Variants in AUTS2 observed in about 807,000 individuals in gnomAD.
AUTS2 encodes autism susceptibility gene 2 protein.
Under a neutral mutation model 112.4 loss-of-function variants are expected in AUTS2, and 17 were observed. The ratio of observed to expected loss-of-function variants is 0.15; its 90% CI spans 0.10 to 0.23. AUTS2 has a LOEUF of 0.23. Among genes scored for constraint, AUTS2 ranks in the 10% least tolerant of loss-of-function variants. AUTS2 has a pLI of 1.00. For synonymous variants in AUTS2, 751 were observed against 702.7 expected, an observed-to-expected ratio of 1.07 and a Z score of -1.09; for missense variants, 1,510 against 1,701.6, an observed-to-expected ratio of 0.89 and a Z score of 1.98.
At chr7:69,608,328 C>A (rs1310029308) in intron 1 of AUTS2, among the ~76,000 whole-genome samples, 1 of 152,210 alleles carries the variant, frequency 6.6e-6, no homozygotes, top group Non-Finnish European at 1.5e-5. Context: ...CCTGAGGGAT[C>A]TCATTTTCCT....
chr7:70,642,620 C>T (rs1805900067), intron 5 of AUTS2, among the ~76,000 whole-genome samples: 2 of 152,178 alleles, frequency 1.3e-5, no homozygotes, highest in African/African-American at 4.8e-5. Flanking sequence ...TGACCTACTT[C>T]CCTGTGTCCA....
intron 1 of AUTS2, among the ~76,000 whole-genome samples, chr7:69,670,964 C>T (rs1796294619): frequency 6.6e-6 from 1 of 152,070 alleles, no homozygotes; most frequent in Non-Finnish European, 1.5e-5. Context: ...ACCTGTTGGC[C>T]CAGAAACATC....
intron 1 of AUTS2, among the ~76,000 whole-genome samples, chr7:69,863,227 A>G (rs750379523): frequency 1.3e-5 from 2 of 152,270 alleles, no homozygotes; most frequent in Non-Finnish European, 2.9e-5. Context: ...TGTACTGAAC[A>G]TGTACAGACT....
intron 1 of AUTS2, among the ~76,000 whole-genome samples, chr7:69,833,488 T>C (rs1325289111): frequency 6.6e-6 from 1 of 152,180 alleles, no homozygotes; most frequent in African/African-American, 2.4e-5. Flanking sequence ...CAGGCTGGAA[T>C]GCACTGGTGT....
chr7:69,914,619 CCAGGAAAAG>C (rs1795500539), intron 2 of AUTS2, among the ~76,000 whole-genome samples: 1 of 151,586 alleles, frequency 6.6e-6, no homozygotes, highest in African/African-American at 2.4e-5. Flanking sequence ...GCTAGTGCAG[CCAGGAAAAG>C]CTGACCTAGG....
At chr7:70,506,619 A>G (rs554273971) in intron 5 of AUTS2, among the ~76,000 whole-genome samples, 1 of 152,300 alleles carries the variant, frequency 6.6e-6, no homozygotes, top group South Asian at 2.1e-4. Context: ...CAAAACAGAC[A>G]CGTGCTCCGC....
intron 2 of AUTS2, among the ~76,000 whole-genome samples, chr7:69,919,634 T>C (rs1795729232): frequency 1.3e-5 from 2 of 152,192 alleles, no homozygotes; most frequent in Non-Finnish European, 2.9e-5. Context: ...TGGCACTTTG[T>C]CCTTAACCAA....
At chr7:70,423,643 TTCA>T (rs1795313135) in intron 4 of AUTS2, among the ~76,000 whole-genome samples, 1 of 152,220 alleles carries the variant, frequency 6.6e-6, no homozygotes, top group Non-Finnish European at 1.5e-5. Flanking sequence ...AAAAAAAATG[TTCA>T]TCAAGAACCT....
intron 4 of AUTS2, among the ~76,000 whole-genome samples, chr7:70,228,591 G>C (rs1811891186): frequency 6.6e-6 from 1 of 151,600 alleles, no homozygotes; most frequent in South Asian, 2.1e-4. Flanking sequence ...TTCTGAATGG[G>C]TTAGGGTTTA....
At chr7:69,795,408 A>G (rs534760778) in intron 1 of AUTS2, among the ~76,000 whole-genome samples, 14 of 152,286 alleles carry the variant, frequency 9.2e-5, no homozygotes, top group African/African-American at 2.9e-4. Flanking sequence ...AGCCAGGCGG[A>G]GTGGCTCATA....
At chr7:70,595,882 A>T (rs972557615) in intron 5 of AUTS2, among the ~76,000 whole-genome samples, 1 of 152,138 alleles carries the variant, frequency 6.6e-6, no homozygotes, top group Admixed American at 6.5e-5. Flanking sequence ...CACGGTACTG[A>T]GCCGCGGGCT....
chr7:70,065,705 T>A (rs942836831), intron 2 of AUTS2, among the ~76,000 whole-genome samples: 36 of 151,754 alleles, frequency 2.4e-4, no homozygotes, highest in Non-Finnish European at 3.5e-4. Flanking sequence ...CTCAAAAAAA[T>A]ATATATATAT....
chr7:70,489,871 C>G (rs114009600), intron 5 of AUTS2, among the ~76,000 whole-genome samples: 13 of 152,168 alleles, frequency 8.5e-5, no homozygotes, highest in African/African-American at 3.1e-4. Context: ...CCCAGCAAAA[C>G]CCCAAATATT....
intron 2 of AUTS2, among the ~76,000 whole-genome samples, chr7:70,014,828 A>G (rs753059087): frequency 6.6e-6 from 1 of 152,220 alleles, no homozygotes; most frequent in Non-Finnish European, 1.5e-5. Flanking sequence ...CATCTGGTAC[A>G]CTGGAACTGC....
At chr7:69,936,628 C>T (rs987221938) in intron 2 of AUTS2, among the ~76,000 whole-genome samples, 4 of 152,172 alleles carry the variant, frequency 2.6e-5, no homozygotes, top group East Asian at 1.9e-4. Context: ...GGATTACAGG[C>T]GTGAGCCACT....
intron 4 of AUTS2, among the ~76,000 whole-genome samples, chr7:70,194,400 C>T (rs1160217502): frequency 6.6e-6 from 1 of 151,898 alleles, no homozygotes; most frequent in Non-Finnish European, 1.5e-5. Flanking sequence ...AGAGCGAGAC[C>T]CTGTCTCAAA....
At chr7:70,244,914 G>A (rs982349913) in intron 4 of AUTS2, among the ~76,000 whole-genome samples, 2 of 151,966 alleles carry the variant, frequency 1.3e-5, no homozygotes, top group African/African-American at 4.8e-5. Context: ...AAGGTGAGGA[G>A]TTTGTGACCA....
intron 6 of AUTS2, among the ~76,000 whole-genome samples, chr7:70,719,330 G>T (rs981524461): frequency 1.1e-4 from 16 of 152,190 alleles, no homozygotes; most frequent in Admixed American, 3.9e-4. Context: ...TCCAAAGTAA[G>T]CGTTTAGGGT....
chr7:70,760,410 A>G (rs1789497419), intron 6 of AUTS2, among the ~76,000 whole-genome samples: 1 of 152,234 alleles, frequency 6.6e-6, no homozygotes, highest in African/African-American at 2.4e-5. Context: ...AGAACTTCTC[A>G]CTGGGTGAAA....
Sources: allele counts gnomAD v4.1 joint callset (sites outside exome capture counted in the v4.1 genomes callset), GRCh38; gene constraint gnomAD v4.1.1; transcripts MANE v1.5; gene names NCBI Gene and HGNC (gene_info 2026-07-23, HGNC 2026-07-21).